Variants in PPFIBP2 observed in about 807,000 individuals in gnomAD.
PPFIBP2 encodes the protein liprin-beta-2.
In PPFIBP2, 118 loss-of-function variants were observed where a neutral mutation model predicts 118.3. That is an observed-to-expected ratio of 1.00 (90% CI 0.86 to 1.16). PPFIBP2 has a LOEUF of 1.16. Ranked by LOEUF, PPFIBP2 falls within the 50% of genes most tolerant of loss-of-function variation. The pLI, the probability that PPFIBP2 is intolerant of heterozygous loss-of-function variation, is 0.00. For synonymous variants in PPFIBP2, 414 were observed against 397.4 expected, an observed-to-expected ratio of 1.04 and a Z score of -0.50; for missense variants, 1,195 against 1,073.1, an observed-to-expected ratio of 1.11 and a Z score of -1.59.
intron 5 of PPFIBP2, among the ~76,000 whole-genome samples, chr11:7,601,618 A>T (rs1846641878): frequency 1.3e-5 from 2 of 152,134 alleles, no homozygotes; most frequent in Admixed American, 1.3e-4. Context: ...GTGGTCTTAG[A>T]CTCACTGAGC....
At chr11:7,568,851 A>G (rs1009572110) in intron 3 of PPFIBP2, 2 of 152,242 alleles carry the variant, frequency 1.3e-5, no homozygotes, top group Non-Finnish European at 2.9e-5. Context: ...AAGAAGCGTT[A>G]AGTGTAAAAG....
At chr11:7,534,201 C>G (rs1243702461) in intron 1 of PPFIBP2, among the ~76,000 whole-genome samples, 1 of 152,186 alleles carries the variant, frequency 6.6e-6, no homozygotes, top group Non-Finnish European at 1.5e-5. Flanking sequence ...AAGTAGAATT[C>G]TCTGCCCCCT....
intron 1 of PPFIBP2, among the ~76,000 whole-genome samples, chr11:7,542,980 A>G (rs10769803): frequency 0.3 from 44,955 of 152,194 alleles, 7,586 homozygotes; most frequent in African/African-American, 0.46. Flanking sequence ...ACTCACAGCC[A>G]TTATGCAGCA....
intron 6 of PPFIBP2, 43 bp downstream of exon 6, chr11:7,610,465 G>T: frequency 6.3e-7 from 1 of 1,598,292 alleles, no homozygotes; most frequent in South Asian, 1.1e-5. Context: ...ACCTGGGAAG[G>T]CTGTCATAAT....
intron 14 of PPFIBP2, among the ~76,000 whole-genome samples, chr11:7,636,222 C>T (rs1403719258): frequency 2.0e-5 from 3 of 152,138 alleles, no homozygotes; most frequent in African/African-American, 7.2e-5. Flanking sequence ...CCTCCATGTC[C>T]ATATGAAACA....
intron 19 of PPFIBP2, 111 bp downstream of exon 19, chr11:7,649,022 G>A: frequency 7.5e-7 from 1 of 1,327,528 alleles, no homozygotes; most frequent in South Asian, 1.3e-5. Flanking sequence ...GTAAAAAGCA[G>A]AGGAATTACT....
chr11:7,577,307 G>A (rs903442425), intron 3 of PPFIBP2: 14 of 274,050 alleles, frequency 5.1e-5, no homozygotes, highest in South Asian at 1.0e-4. Flanking sequence ...GTGCGTGTGC[G>A]TGCATGTATG....
chr11:7,624,004 G>A (rs574603525), intron 7 of PPFIBP2, among the ~76,000 whole-genome samples: 2 of 152,304 alleles, frequency 1.3e-5, no homozygotes, highest in East Asian at 1.9e-4. Flanking sequence ...GGAGCCCAGA[G>A]TGGAGGGACA....
In PPFIBP2 at chr11:7,648,413, G is replaced by A; in HGVS notation, c.1673G>A (p.Trp558Ter). Residue 558 changes from tryptophan (W) to a stop codon, truncating the protein, a stop_gained, in exon 18 of 24, where the codon TGG becomes TAG. Coordinates refer to ENST00000299492, the MANE Select transcript of PPFIBP2 (RefSeq NM_003621.5). LOFTEE classifies it high-confidence loss of function. ...KSDANAPFAQ[W>*]STERVCAWLE... ...GACGCCAATGCCCCCTTTGCCCAGT[G>A]GAGCACAGAGCGTGTGTGTGCATGG... is the stretch of plus-strand genomic sequence containing the variant. The A allele has an allele frequency of 6.2e-7, 1 of 1,614,158 alleles. No individual in the cohort carries two copies. The highest frequency in any genetic ancestry group is 8.5e-7 in the Non-Finnish European group (1 of 1,180,012).
At position 7,598,268 on chromosome 11, in the gene PPFIBP2, T is replaced by C. The variant is rs148685917; in HGVS notation, c.486+595T>C. ...AGAGATATGCAATTTAGTCCTCAGATTTTGTATGCTTAATATTATATTTTT... is the reference window on the plus strand; with the variant it reads ...AGAGATATGCAATTTAGTCCTCAGACTTTGTATGCTTAATATTATATTTTT... On this transcript the variant is annotated intron_variant, in intron 5 of 23. Transcript: ENST00000299492. The C allele has an allele frequency of 1.1e-3, 351 of 322,988 alleles. 2 individuals carry two copies. The highest frequency in any genetic ancestry group is 6.8e-3 in the African/African-American group (302 of 44,684). 20.0% of individuals were successfully genotyped at this position (322,988 alleles called of 1,614,324 possible).
intron 3 of PPFIBP2, among the ~76,000 whole-genome samples, chr11:7,583,088 C>T (rs994435377): frequency 6.6e-6 from 1 of 152,242 alleles, no homozygotes; most frequent in African/African-American, 2.4e-5. Context: ...GCTCGTTCAT[C>T]TCTACTCCCT....
intron 3 of PPFIBP2, among the ~76,000 whole-genome samples, chr11:7,571,519 A>G (rs1590295225): frequency 1.3e-5 from 2 of 152,330 alleles, no homozygotes; most frequent in Middle Eastern, 6.8e-3. Context: ...CAGAATGGAA[A>G]ACAAAAGATA....
intron 2 of PPFIBP2, among the ~76,000 whole-genome samples, chr11:7,552,589 A>C (rs1477022792): frequency 6.6e-6 from 1 of 152,144 alleles, no homozygotes; most frequent in African/African-American, 2.4e-5. Flanking sequence ...ATGTAAATTA[A>C]GTCATATCAC....
downstream of PPFIBP2, chr11:7,656,657 G>A (rs530055770): frequency 1.6e-3 from 1,841 of 1,179,070 alleles, 3 homozygotes; most frequent in Non-Finnish European, 1.9e-3. Context: ...CTCTAGTTCC[G>A]GTGCAGCTGC....
chr11:7,568,538 G>T (rs1855271221), intron 3 of PPFIBP2, among the ~76,000 whole-genome samples: 1 of 152,150 alleles, frequency 6.6e-6, no homozygotes, highest in South Asian at 2.1e-4. Context: ...GCCAGAATTT[G>T]TTCACCTGTG....
intron 2 of PPFIBP2, among the ~76,000 whole-genome samples, chr11:7,562,927 T>C (rs1239174138): frequency 1.2e-5 from 1 of 81,928 alleles, no homozygotes; most frequent in Non-Finnish European, 2.4e-5. Flanking sequence ...GAAATTAAAG[T>C]TTTATATATA....
chr11:7,629,036 T>G (rs1353897184), intron 9 of PPFIBP2, among the ~76,000 whole-genome samples: 2 of 152,238 alleles, frequency 1.3e-5, no homozygotes, highest in Non-Finnish European at 2.9e-5. Context: ...GAATTTCCTC[T>G]GTAGTATGAG....
chr11:7,581,120 C>G (rs142749843), intron 3 of PPFIBP2, among the ~76,000 whole-genome samples: 7 of 152,320 alleles, frequency 4.6e-5, no homozygotes, highest in African/African-American at 1.7e-4. Flanking sequence ...GGCTGATGCT[C>G]TAGTTCATTC....
At chr11:7,619,544 C>T (rs1421409829) in intron 6 of PPFIBP2, among the ~76,000 whole-genome samples, 1 of 152,144 alleles carries the variant, frequency 6.6e-6, no homozygotes, top group Non-Finnish European at 1.5e-5. Context: ...CCCCAGATGC[C>T]ATGGGGTCAG....
Sources: gnomAD v4.1 joint callset for allele counts (sites outside exome capture counted in the v4.1 genomes callset) on GRCh38, gnomAD v4.1.1 for gene constraint, MANE v1.5 for transcripts, NCBI Gene and HGNC (gene_info 2026-07-23, HGNC 2026-07-21) for gene names.